DAAM1: variants seen among roughly 807,000 people sequenced by gnomAD.
DAAM1 encodes dishevelled associated activator of morphogenesis 1.
A neutral mutation model predicts 130.0 loss-of-function variants in DAAM1; 52 were observed. The observed-to-expected ratio is 0.40, with a 90% confidence interval of 0.32 to 0.50. DAAM1 has a LOEUF of 0.50. Ranked by LOEUF, DAAM1 falls within the 20% of genes least tolerant of loss-of-function variation. The pLI is 0.61. For missense variants in DAAM1, 1,134 were observed against 1,303.8 expected, an observed-to-expected ratio of 0.87 and a Z score of 2.01; for synonymous variants, 452 against 444.5, an observed-to-expected ratio of 1.02 and a Z score of -0.21.
At chr14:59,222,197 C>T (rs1169229992) in intron 1 of DAAM1, among the ~76,000 whole-genome samples, 1 of 152,138 alleles carries the variant, frequency 6.6e-6, no homozygotes, top group Non-Finnish European at 1.5e-5. Flanking sequence ...AGTTCGGGCC[C>T]CTTTCCTCAT....
intron 3 of DAAM1, among the ~76,000 whole-genome samples, chr14:59,308,908 G>A (rs1371202181): frequency 6.6e-6 from 1 of 152,060 alleles, no homozygotes; most frequent in African/African-American, 2.4e-5. Context: ...CTTTGTGTGG[G>A]CCCAACCGGA....
intron 2 of DAAM1, among the ~76,000 whole-genome samples, chr14:59,275,687 ACTGAATAT>A (rs1270362853): frequency 6.6e-6 from 1 of 152,244 alleles, no homozygotes; most frequent in Non-Finnish European, 1.5e-5. Context: ...TGTCTAGCCA[ACTGAATAT>A]AGTCTGCATT....
intron 1 of DAAM1, among the ~76,000 whole-genome samples, chr14:59,225,078 A>G (rs1678732063): frequency 8.5e-6 from 1 of 117,854 alleles, no homozygotes; most frequent in South Asian, 3.0e-4. Context: ...ACCAGGCTGG[A>G]GTGCAGTGGC....
chr14:59,343,508 T>C (rs892804631), intron 16 of DAAM1, among the ~76,000 whole-genome samples: 1 of 152,240 alleles, frequency 6.6e-6, no homozygotes, highest in African/African-American at 2.4e-5. Flanking sequence ...TCTCTATTTC[T>C]TATCTTGCTG....
At chr14:59,304,339 A>T (rs926620858) in intron 3 of DAAM1, among the ~76,000 whole-genome samples, 4 of 152,176 alleles carry the variant, frequency 2.6e-5, no homozygotes, top group African/African-American at 9.7e-5. Context: ...CGCATTTCAG[A>T]ATTTCTCCTC....
intron 2 of DAAM1, among the ~76,000 whole-genome samples, chr14:59,267,500 A>C (rs990432521): frequency 3.3e-5 from 5 of 152,178 alleles, no homozygotes; most frequent in South Asian, 2.1e-4. Context: ...AAAAAAAAAA[A>C]CAAAAAACAA....
chr14:59,362,430 A>T (rs1371681147), intron 22 of DAAM1: 1 of 152,222 alleles, frequency 6.6e-6, no homozygotes, highest in Non-Finnish European at 1.5e-5. Context: ...AAGGTATCAA[A>T]GATGAATATT....
intron 4 of DAAM1, among the ~76,000 whole-genome samples, chr14:59,318,208 T>C (rs1884865001): frequency 6.6e-6 from 1 of 152,042 alleles, no homozygotes; most frequent in Non-Finnish European, 1.5e-5. Flanking sequence ...GGAGGAAGAC[T>C]GTGAGGTGAA....
rs751916470 is a variant in DAAM1 at position 59,361,800 on chromosome 14, G to A, written c.2694+938G>A. Reference sequence around the variant, plus strand: ...TAGCTTGGGCCTGCTCTGGGTGAAGGAGACGGATTTGCAGGCAGCTTGGAA... The same window carrying A: ...TAGCTTGGGCCTGCTCTGGGTGAAGAAGACGGATTTGCAGGCAGCTTGGAA... On this transcript the variant is annotated intron_variant, in intron 22 of 24. Coordinates refer to ENST00000360909, the MANE Select transcript of DAAM1 (RefSeq NM_001270520.2). Among the ~76,000 whole-genome samples the A allele has an allele frequency of 7.9e-5, 12 of 152,310 alleles. 1 individual carries two copies. In the Middle Eastern group the frequency reaches 0.01, roughly 130 times the overall value.
intron 1 of DAAM1, among the ~76,000 whole-genome samples, chr14:59,237,953 T>C (rs536915629): frequency 2.0e-5 from 3 of 152,210 alleles, no homozygotes; most frequent in Non-Finnish European, 4.4e-5. Context: ...GGATATTTGC[T>C]CCCTCAGATC....
At chr14:59,232,832 C>T (rs1248880095) in intron 1 of DAAM1, among the ~76,000 whole-genome samples, 1 of 152,004 alleles carries the variant, frequency 6.6e-6, no homozygotes, top group Non-Finnish European at 1.5e-5. Flanking sequence ...TATGTTGTTC[C>T]CCTCCCTGTG....
At chr14:59,353,210 T>A (rs142983798) in intron 18 of DAAM1, among the ~76,000 whole-genome samples, 1 of 152,324 alleles carries the variant, frequency 6.6e-6, no homozygotes, top group African/African-American at 2.4e-5. Context: ...GTTTGGCATA[T>A]GAGCTAAGTC....
At chr14:59,212,827 G>A (rs990517936) in intron 1 of DAAM1, among the ~76,000 whole-genome samples, 3 of 151,998 alleles carry the variant, frequency 2.0e-5, no homozygotes, top group African/African-American at 7.3e-5. Flanking sequence ...TGTCGCAGTG[G>A]CTCCCAATCT....
intron 2 of DAAM1, among the ~76,000 whole-genome samples, chr14:59,290,160 T>G (rs1009978563): frequency 6.6e-6 from 1 of 152,172 alleles, no homozygotes; most frequent in Admixed American, 6.5e-5. Context: ...AGACTGTGAA[T>G]TAAGTTCTTG....
At chr14:59,324,582 T>G (rs558287135) in intron 8 of DAAM1, 128 bp downstream of exon 8, 61 of 445,408 alleles carry the variant, frequency 1.4e-4, no homozygotes, top group Middle Eastern at 6.2e-4. Flanking sequence ...TATCAGAATG[T>G]TAGTTCAGCT....
intron 1 of DAAM1, among the ~76,000 whole-genome samples, chr14:59,218,422 G>A (rs1453504429): frequency 6.6e-6 from 1 of 152,128 alleles, no homozygotes; most frequent in Non-Finnish European, 1.5e-5. Context: ...AAATAGATGT[G>A]CCATTTTGCT....
chr14:59,269,038 G>A (rs1417697313), intron 2 of DAAM1, among the ~76,000 whole-genome samples: 3 of 152,142 alleles, frequency 2.0e-5, no homozygotes, highest in African/African-American at 4.8e-5. Context: ...GTCATTAATC[G>A]ACTGATGGTT....
intron 6 of DAAM1, 25 bp from the exon 7 acceptor site, chr14:59,324,103 T>C (rs1885119632): frequency 7.5e-7 from 1 of 1,335,196 alleles, no homozygotes; most frequent in East Asian, 2.6e-5. Flanking sequence ...AACGTTTCAG[T>C]CCTTTGTTTT....
chr14:59,205,148 T>C (rs1274200713), intron 1 of DAAM1, among the ~76,000 whole-genome samples: 1 of 152,256 alleles, frequency 6.6e-6, no homozygotes, highest in African/African-American at 2.4e-5. Context: ...GAACTCTTGT[T>C]ACAGCATGAT....
Sources: gnomAD v4.1 joint callset for allele counts (sites outside exome capture counted in the v4.1 genomes callset) on GRCh38, gnomAD v4.1.1 for gene constraint, MANE v1.5 for transcripts, NCBI Gene and HGNC (gene_info 2026-07-23, HGNC 2026-07-21) for gene names.